The following CPNE1 variants were observed in gnomAD, a reference collection of about 807,000 sequenced individuals.
The protein encoded by CPNE1 is copine 1.
Under a neutral mutation model 63.2 loss-of-function variants are expected in CPNE1, and 58 were observed. The ratio of observed to expected loss-of-function variants is 0.92; its 90% CI spans 0.74 to 1.14. CPNE1 has a LOEUF of 1.14. CPNE1 is among the 50% of genes most tolerant of loss of function. CPNE1 has a pLI of 0.00. For synonymous variants in CPNE1, 237 were observed against 249.0 expected, an observed-to-expected ratio of 0.95 and a Z score of 0.45; for missense variants, 672 against 661.7, an observed-to-expected ratio of 1.02 and a Z score of -0.17.
At chr20:35,658,682 C>G in intron 1 of CPNE1, among the ~76,000 whole-genome samples, 1 of 151,972 alleles carries the variant, frequency 6.6e-6, no homozygotes, top group Admixed American at 6.6e-5. Flanking sequence ...AGTGCTTGAA[C>G]CCGGGAGGCG....
In CPNE1 at chr20:35,631,591, T is replaced by C. The variant is rs189013862; in HGVS notation, c.628-13A>G. The C allele has an allele frequency of 6.2e-7, 1 of 1,612,404 alleles. No homozygotes were observed. The highest frequency in any genetic ancestry group is 2.2e-5 in the East Asian group (1 of 44,858). ...CGGAGCATTGCACCTGAGGGAAAGG[T>C]GTGTGTGGACATAAACAAGCCAGGT... On this transcript the variant is annotated splice_polypyrimidine_tract_variant and intron_variant, in intron 7 of 15. Transcript: ENST00000397443.
chr20:35,638,428 A>T (rs1568919085), intron 1 of CPNE1, among the ~76,000 whole-genome samples: 2 of 152,236 alleles, frequency 1.3e-5, no homozygotes, highest in African/African-American at 4.8e-5. Flanking sequence ...TTATCAGGGA[A>T]ATGAAAAATA....
At chr20:35,660,307 G>C (rs1243333556) in intron 1 of CPNE1, among the ~76,000 whole-genome samples, 2 of 152,112 alleles carry the variant, frequency 1.3e-5, no homozygotes, top group African/African-American at 4.8e-5. Flanking sequence ...CGCCTCCCTG[G>C]GTTCAAGCTA....
intron 1 of CPNE1, chr20:35,650,181 C>T (rs1038663839): frequency 6.5e-6 from 1 of 152,692 alleles, no homozygotes; most frequent in Admixed American, 6.5e-5. Context: ...CAGTCCACAA[C>T]GAGCACTGTT....
At position 35,629,305 on chromosome 20, in the gene CPNE1, C is replaced by A. The variant is rs1431471720; in HGVS notation, c.1102+1134G>T. Among the ~76,000 whole-genome samples, 5 of 152,114 alleles carry A rather than the reference C, an allele frequency of 3.3e-5. No homozygotes were observed. The East Asian group carries it at 5.8e-4, about 18-fold the overall frequency. On this transcript the variant is annotated intron_variant, in intron 13 of 15. Transcript: ENST00000397443. ...AATACAAAATTAAAATTTTAAAACC[C>A]AGATCAGATCAGGTCAGGTCAGATT...
At chr20:35,630,223 G>A (rs2032027985) in intron 13 of CPNE1, among the ~76,000 whole-genome samples, 1 of 152,234 alleles carries the variant, frequency 6.6e-6, no homozygotes, top group African/African-American at 2.4e-5. Flanking sequence ...GAACCCAGTA[G>A]GCAGAGGTTG....
At chr20:35,627,768 T>C (rs548649043) in intron 13 of CPNE1, among the ~76,000 whole-genome samples, 3 of 152,210 alleles carry the variant, frequency 2.0e-5, no homozygotes, top group African/African-American at 4.8e-5. Context: ...AAGCTCCTAA[T>C]AAATGTAAAA....
intron 1 of CPNE1, among the ~76,000 whole-genome samples, chr20:35,646,072 C>G (rs2146320051): frequency 6.6e-6 from 1 of 151,380 alleles, no homozygotes; most frequent in South Asian, 2.1e-4. Flanking sequence ...GTGAAACTAC[C>G]CCTCCACTCC....
intron 1 of CPNE1, among the ~76,000 whole-genome samples, chr20:35,633,997 C>G (rs1301055818): frequency 6.8e-6 from 1 of 146,864 alleles, no homozygotes; most frequent in East Asian, 2.0e-4. Flanking sequence ...GACGGTGGCT[C>G]AAGCCTGTAA....
intron 1 of CPNE1, among the ~76,000 whole-genome samples, chr20:35,640,069 C>A (rs1234920748): frequency 6.6e-6 from 1 of 152,170 alleles, no homozygotes; most frequent in African/African-American, 2.4e-5. Flanking sequence ...GCTTCCTGTG[C>A]AAGCAGTTTT....
At position 35,655,693 on chromosome 20, in the gene CPNE1, A is replaced by G. The variant is rs895526436; in HGVS notation, c.-1+9067T>C. Among the ~76,000 whole-genome samples the G allele has an allele frequency of 6.6e-5, 10 of 152,326 alleles. No individual in the cohort carries two copies. In the East Asian group the frequency reaches 1.9e-3, roughly 29 times the overall value. On this transcript the variant is annotated intron_variant, in intron 1 of 15. Coordinates refer to ENST00000397443, the MANE Select transcript of CPNE1 (RefSeq NM_152925.3). Reference sequence around the variant, plus strand: ...AAATGTCTAAGTCAAATCAGGAAACAAAGTTTAACAATCTATAGGGAAAAA... The same window carrying G: ...AAATGTCTAAGTCAAATCAGGAAACGAAGTTTAACAATCTATAGGGAAAAA...
intron 1 of CPNE1, among the ~76,000 whole-genome samples, chr20:35,656,707 T>C (rs966991854): frequency 6.6e-6 from 1 of 152,134 alleles, no homozygotes; most frequent in Non-Finnish European, 1.5e-5. Context: ...GCTAAGTGTT[T>C]GTATTTAGGA....
intron 1 of CPNE1, chr20:35,654,574 G>A: frequency 6.2e-7 from 1 of 1,614,216 alleles, no homozygotes; most frequent in Non-Finnish European, 8.5e-7. Flanking sequence ...TGCCACAGGT[G>A]GCGGATTCAA....
chr20:35,646,916 G>T (rs956176549), intron 1 of CPNE1, among the ~76,000 whole-genome samples: 48 of 152,240 alleles, frequency 3.2e-4, no homozygotes, highest in African/African-American at 1.1e-3. Context: ...CAGATGTCTG[G>T]AACAACTGGG....
At chr20:35,639,697 CA>C (rs2032694730) in intron 1 of CPNE1, among the ~76,000 whole-genome samples, 1 of 152,194 alleles carries the variant, frequency 6.6e-6, no homozygotes, top group Non-Finnish European at 1.5e-5. Context: ...TTGTGAATGA[CA>C]AAAGCATTAG....
intron 1 of CPNE1, among the ~76,000 whole-genome samples, chr20:35,636,707 C>A (rs2032504805): frequency 6.6e-6 from 1 of 152,078 alleles, no homozygotes; most frequent in African/African-American, 2.4e-5. Flanking sequence ...AGGAGAATCA[C>A]TTGAACCTGG....
chr20:35,645,960 A>C (rs74895713), intron 1 of CPNE1, among the ~76,000 whole-genome samples: 3,326 of 152,070 alleles, frequency 0.022, 121 homozygotes, highest in African/African-American at 0.076. Context: ...TAAGAAACTG[A>C]GGCCAGGCAT....
chr20:35,632,960 C>T (rs1279375540), intron 1 of CPNE1, 37 bp from the exon 2 acceptor site: 2 of 851,134 alleles, frequency 2.3e-6, no homozygotes, highest in South Asian at 2.8e-5. Flanking sequence ...ACCAGGGAGC[C>T]TTCTCTCCCC....
intron 1 of CPNE1, among the ~76,000 whole-genome samples, chr20:35,638,398 A>C (rs180741361): frequency 5.4e-4 from 83 of 152,374 alleles, no homozygotes; most frequent in African/African-American, 1.8e-3. Context: ...AGAAATAAGC[A>C]AAGTGATCCA....
Sources: gnomAD v4.1 joint callset for allele counts (sites outside exome capture counted in the v4.1 genomes callset) on GRCh38, gnomAD v4.1.1 for gene constraint, MANE v1.5 for transcripts, NCBI Gene and HGNC (gene_info 2026-07-23, HGNC 2026-07-21) for gene names.